ZC3H12B: variants seen among roughly 807,000 people sequenced by gnomAD.
The protein encoded by ZC3H12B is probable ribonuclease ZC3H12B.
ZC3H12B carries 7 observed loss-of-function variants against 43.9 expected under a neutral mutation model. The ratio of observed to expected loss-of-function variants is 0.16; its 90% CI spans 0.09 to 0.30. ZC3H12B has a LOEUF of 0.30. ZC3H12B is among the 10% of genes least tolerant of loss of function. ZC3H12B has a pLI of 1.00. For synonymous variants in ZC3H12B, 222 were observed against 241.7 expected, an observed-to-expected ratio of 0.92 and a Z score of 0.76; for missense variants, 475 against 670.2, an observed-to-expected ratio of 0.71 and a Z score of 3.22.
chrX:65,229,416 A>T, the ZC3H12B span, among the ~76,000 whole-genome samples: 1 of 107,555 alleles, frequency 9.3e-6, no homozygotes, highest in Non-Finnish European at 1.9e-5. Flanking sequence ...CGTTAGACCT[A>T]AAACCATAAA....
the ZC3H12B span, among the ~76,000 whole-genome samples, chrX:65,327,808 G>A: frequency 2.7e-5 from 3 of 111,313 alleles, no homozygotes; most frequent in African/African-American, 6.5e-5. Flanking sequence ...ATTTTAAAAA[G>A]GTAAGAAAAG....
intron 3 of ZC3H12B, among the ~76,000 whole-genome samples, chrX:65,411,634 G>A (rs2066904462): frequency 9.1e-6 from 1 of 110,264 alleles, no homozygotes; most frequent in East Asian, 2.8e-4. Context: ...GCTGAGGCAG[G>A]AGAATCACTT....
the ZC3H12B span, among the ~76,000 whole-genome samples, chrX:65,273,523 A>C: frequency 9.0e-6 from 1 of 111,425 alleles, no homozygotes; most frequent in East Asian, 2.8e-4. Flanking sequence ...GAAAGGAGTA[A>C]AATTTTTATT....
At chrX:65,118,610 G>C in the ZC3H12B span, among the ~76,000 whole-genome samples, 1 of 111,065 alleles carries the variant, frequency 9.0e-6, no homozygotes, top group Non-Finnish European at 1.9e-5. Context: ...TTGAATAAGA[G>C]TGGTGAGAGA....
chrX:65,135,750 C>CT, the ZC3H12B span, among the ~76,000 whole-genome samples: 5,636 of 69,823 alleles, frequency 0.081, 582 homozygotes, highest in African/African-American at 0.25. Context: ...TGTTTGTTTT[C>CT]TTTTTTTTTT....
At chrX:65,309,225 T>A in the ZC3H12B span, among the ~76,000 whole-genome samples, 1 of 106,063 alleles carries the variant, frequency 9.4e-6, no homozygotes, top group Non-Finnish European at 1.9e-5. Context: ...TTTGAAAAGA[T>A]CAACAAAATT....
At chrX:65,312,213 G>A in the ZC3H12B span, among the ~76,000 whole-genome samples, 2 of 111,788 alleles carry the variant, frequency 1.8e-5, no homozygotes, top group Admixed American at 9.5e-5. Flanking sequence ...AACCAATATA[G>A]TAGCAGTATG....
the ZC3H12B span, among the ~76,000 whole-genome samples, chrX:65,228,709 A>G: frequency 2.7e-5 from 3 of 112,337 alleles, no homozygotes; most frequent in Non-Finnish European, 5.6e-5. Context: ...ATCAATGTAC[A>G]AAAATCACAA....
chrX:65,488,800 G>A, exon 1 of ZC3H12B: 6 of 1,177,250 alleles, frequency 5.1e-6, no homozygotes, highest in Non-Finnish European at 6.8e-6. Context: ...CCACTAAACG[G>A]GATGACGGCC....
chrX:65,229,774 A>T, the ZC3H12B span, among the ~76,000 whole-genome samples: 1 of 105,842 alleles, frequency 9.4e-6, no homozygotes, highest in Non-Finnish European at 1.9e-5. Flanking sequence ...GCCAAAAAAC[A>T]CATGAAAAAA....
intron 4 of ZC3H12B, 72 bp downstream of exon 9, chrX:65,500,061 C>T: frequency 1.2e-6 from 1 of 844,066 alleles, no homozygotes; most frequent in African/African-American, 2.0e-5. Flanking sequence ...CTTTTCTCTT[C>T]CAGGTTTCCC....
At chrX:65,195,843 G>A in the ZC3H12B span, among the ~76,000 whole-genome samples, 1 of 112,494 alleles carries the variant, frequency 8.9e-6, no homozygotes, top group Non-Finnish European at 1.9e-5. Flanking sequence ...GGAGTTGGCA[G>A]AAGTTTATTG....
At chrX:65,158,335 G>C in the ZC3H12B span, among the ~76,000 whole-genome samples, 1 of 111,446 alleles carries the variant, frequency 9.0e-6, no homozygotes, top group South Asian at 3.8e-4. Flanking sequence ...GTAGATCCCT[G>C]AGGAATCGCC....
chrX:65,317,389 T>G, the ZC3H12B span, among the ~76,000 whole-genome samples: 6 of 111,161 alleles, frequency 5.4e-5, no homozygotes, highest in Admixed American at 9.6e-5. Flanking sequence ...TAAATTTTTT[T>G]ATTTCCATAG....
the ZC3H12B span, among the ~76,000 whole-genome samples, chrX:65,170,599 AG>A: frequency 8.9e-6 from 1 of 112,021 alleles, no homozygotes; most frequent in East Asian, 2.8e-4. Flanking sequence ...AGGTTGGGGA[AG>A]TTCTCCTGGA....
chrX:65,373,984 CTATATATATATAG>C (rs1349024220), intron 2 of ZC3H12B, among the ~76,000 whole-genome samples: 1 of 6,130 alleles, frequency 1.6e-4, no homozygotes, highest in Non-Finnish European at 3.8e-4. Context: ...TATATATATA[CTATATATATATAG>C]TATATATATA....
chrX:65,500,871 C>CT (rs1460818632), intron 4 of ZC3H12B, among the ~76,000 whole-genome samples: 107 of 111,321 alleles, frequency 9.6e-4, no homozygotes, highest in African/African-American at 3.4e-3. Flanking sequence ...CTTTGAATGT[C>CT]TGTTTTTTTG....
At chrX:65,258,966 C>A in the ZC3H12B span, among the ~76,000 whole-genome samples, 13,761 of 111,367 alleles carry the variant, frequency 0.12, 2,028 homozygotes, top group African/African-American at 0.42. Context: ...TAGGAAGAAT[C>A]TATATCATTA....
At chrX:65,445,533 G>T (rs904890574) in intron 3 of ZC3H12B, among the ~76,000 whole-genome samples, 6 of 112,312 alleles carry the variant, frequency 5.3e-5, no homozygotes, top group African/African-American at 1.9e-4. Context: ...GAGCTCCCTG[G>T]AGTTAGAAGT....
Sources: allele counts gnomAD v4.1 joint callset (sites outside exome capture counted in the v4.1 genomes callset), GRCh38; gene constraint gnomAD v4.1.1; transcripts MANE v1.5; gene names NCBI Gene and HGNC (gene_info 2026-07-23, HGNC 2026-07-21).